TLCD4: variants seen among roughly 807,000 people sequenced by gnomAD.
The protein encoded by TLCD4 is TLC domain containing 4.
TLCD4 carries 7 observed loss-of-function variants against 24.2 expected under a neutral mutation model. That is an observed-to-expected ratio of 0.29 (90% CI 0.16 to 0.54). The LOEUF is 0.54. Ranked by LOEUF, TLCD4 falls within the 20% of genes least tolerant of loss-of-function variation. The pLI is 0.95. For missense variants in TLCD4, 259 were observed against 313.9 expected (o/e 0.82, Z 1.32); for synonymous variants, 103 against 106.4 (o/e 0.97, Z 0.20).
At chr1:95,156,478 C>T (rs1361903467) in intron 5 of TLCD4, among the ~76,000 whole-genome samples, 1 of 151,888 alleles carries the variant, frequency 6.6e-6, no homozygotes, top group Admixed American at 6.6e-5. Context: ...TTGCTTTTCA[C>T]GGAATGGTTG....
chr1:95,175,921 A>G (rs768662677), intron 6 of TLCD4, among the ~76,000 whole-genome samples: 1 of 151,520 alleles, frequency 6.6e-6, no homozygotes, highest in Non-Finnish European at 1.5e-5. Flanking sequence ...GGCTATAGGC[A>G]TGTGCCACCA....
rs548045336 is a variant in TLCD4, at chr1:95,172,151, C to T, written c.400-1665C>T. Reference sequence around the variant, plus strand: ...TAGCTTCCGTAACTGTGAGACAATACATTTCTGTTGCTTAAACCACCCACT... The same window carrying T: ...TAGCTTCCGTAACTGTGAGACAATATATTTCTGTTGCTTAAACCACCCACT... On this transcript the variant is annotated intron_variant, in intron 5 of 6. Coordinates refer to ENST00000370203, the MANE Select transcript of TLCD4 (RefSeq NM_152487.3). 4.6e-5 allele frequency among the ~76,000 whole-genome samples: 7 copies of T among 152,282 alleles called. No homozygotes were observed. In the South Asian group the frequency reaches 1.4e-3, roughly 32 times the overall value.
At chr1:95,170,023 T>C (rs1222561726) in intron 5 of TLCD4, among the ~76,000 whole-genome samples, 1 of 152,228 alleles carries the variant, frequency 6.6e-6, no homozygotes, top group African/African-American at 2.4e-5. Context: ...CAGTAAGAAA[T>C]TTAGCAAGAA....
intron 1 of TLCD4, chr1:95,120,369 A>C (rs533827931): frequency 1.9e-4 from 29 of 152,374 alleles, no homozygotes; most frequent in African/African-American, 6.0e-4. Flanking sequence ...GAAAGGTTGC[A>C]CACAAAGAAA....
the TLCD4 span, among the ~76,000 whole-genome samples, chr1:95,109,718 A>G: frequency 6.6e-6 from 1 of 151,444 alleles, no homozygotes; most frequent in Non-Finnish European, 1.5e-5. Flanking sequence ...TGAACTCCTG[A>G]TCTCAAGTGA....
intron 6 of TLCD4, among the ~76,000 whole-genome samples, chr1:95,188,854 G>A (rs1678925032): frequency 6.6e-6 from 1 of 152,038 alleles, no homozygotes; most frequent in African/African-American, 2.4e-5. Flanking sequence ...TTCTTTCATT[G>A]GAGAGTGGTA....
At chr1:95,117,638 G>C (rs1176825171) in intron 1 of TLCD4, 21 bp downstream of exon 1, 1 of 152,180 alleles carries the variant, frequency 6.6e-6, no homozygotes, top group Non-Finnish European at 1.5e-5. Flanking sequence ...TTGGAGGGGG[G>C]GTTGGGGAGG....
chr1:95,096,847 C>G, the TLCD4 span, among the ~76,000 whole-genome samples: 10 of 152,278 alleles, frequency 6.6e-5, 2 homozygotes, highest in African/African-American at 2.4e-4. Context: ...ACCATGTGTG[C>G]GTCTTGCAGA....
chr1:95,155,601 T>C (rs1158666423), intron 5 of TLCD4, among the ~76,000 whole-genome samples: 1 of 152,100 alleles, frequency 6.6e-6, no homozygotes, highest in African/African-American at 2.4e-5. Context: ...TGGCCACCTA[T>C]GCTGATGGAC....
chr1:95,149,373 T>C (rs1401242353), intron 3 of TLCD4, among the ~76,000 whole-genome samples: 2 of 152,198 alleles, frequency 1.3e-5, no homozygotes, highest in African/African-American at 4.8e-5. Flanking sequence ...CCTGGTGTTA[T>C]ATGAGAAGGC....
chr1:95,136,872 C>T (rs1677056769), intron 1 of TLCD4, among the ~76,000 whole-genome samples: 1 of 152,120 alleles, frequency 6.6e-6, no homozygotes, highest in Admixed American at 6.5e-5. Flanking sequence ...CCATGTCATT[C>T]ATTGAGGTAT....
chr1:95,101,306 T>G, the TLCD4 span, among the ~76,000 whole-genome samples: 1 of 151,892 alleles, frequency 6.6e-6, no homozygotes, highest in East Asian at 1.9e-4. Context: ...CACGCTAGAG[T>G]ACAGTGGCGT....
intron 1 of TLCD4, among the ~76,000 whole-genome samples, chr1:95,141,833 A>ACACACACACACAC (rs1557682576): frequency 1.5e-4 from 23 of 149,870 alleles, no homozygotes; most frequent in Non-Finnish European, 2.7e-4. Context: ...ACACACACAC[A>ACACACACACACAC]AAGAATGAGG....
chr1:95,110,784 C>A, the TLCD4 span, among the ~76,000 whole-genome samples: 8 of 144,332 alleles, frequency 5.5e-5, no homozygotes, highest in African/African-American at 2.1e-4. Flanking sequence ...ATGCCTCCTA[C>A]AGGTGGAGGT....
intron 1 of TLCD4, among the ~76,000 whole-genome samples, chr1:95,119,871 T>C (rs993477027): frequency 1.1e-4 from 16 of 150,870 alleles, no homozygotes; most frequent in Non-Finnish European, 2.1e-4. Flanking sequence ...TGGGCTTCAA[T>C]ATCTCAAACT....
At chr1:95,110,070 A>G in the TLCD4 span, among the ~76,000 whole-genome samples, 7 of 150,020 alleles carry the variant, frequency 4.7e-5, no homozygotes, top group Admixed American at 4.0e-4. Context: ...ATACACGTAC[A>G]TGTGAGGATA....
rs756639642 is a variant in TLCD4, at chr1:95,173,775, G to A, written c.400-41G>A. 2.5e-6 allele frequency: 4 copies of A among 1,612,750 alleles called. No individual in the cohort carries two copies. In the South Asian group the frequency reaches 4.4e-5, roughly 18 times the overall value. On this transcript the variant is annotated intron_variant, in intron 5 of 6. Transcript: ENST00000370203. ...CTACGGTATTTGGGAATTTTGTTAA[G>A]AATGTTATCCTTGACGTTGTGTTTT... is the stretch of plus-strand genomic sequence containing the variant.
rs1313238528 is a variant in TLCD4, at chr1:95,135,735, T to C, written c.-11-8156T>C. Among the ~76,000 whole-genome samples, 4 of 151,064 alleles carry C rather than the reference T, an allele frequency of 2.6e-5. No homozygotes were observed. In the East Asian group the frequency reaches 7.8e-4, roughly 29 times the overall value. ...TAAATGTTCAAGGAATGCTCTCAAG[T>C]TCGTTTTGTTTTGTTTTTGAGACAG... On this transcript the variant is annotated intron_variant, in intron 1 of 6. Transcript: ENST00000370203.
chr1:95,149,024 A>G (rs1677423410), intron 3 of TLCD4, among the ~76,000 whole-genome samples: 1 of 152,246 alleles, frequency 6.6e-6, no homozygotes, highest in African/African-American at 2.4e-5. Flanking sequence ...CAAGGAGAAT[A>G]TGATGATAAT....
Sources: allele counts gnomAD v4.1 joint callset (sites outside exome capture counted in the v4.1 genomes callset), GRCh38; gene constraint gnomAD v4.1.1; transcripts MANE v1.5; gene names NCBI Gene and HGNC (gene_info 2026-07-23, HGNC 2026-07-21).